OGDHL: variants seen among roughly 807,000 people sequenced by gnomAD.
OGDHL encodes oxoglutarate dehydrogenase L, also known as 2-oxoglutarate dehydrogenase-like, mitochondrial.
A neutral mutation model predicts 109.6 loss-of-function variants in OGDHL; 79 were observed. That is an observed-to-expected ratio of 0.72 (90% CI 0.60 to 0.87). The LOEUF is 0.87. Among genes scored for constraint, OGDHL ranks in the 40% least tolerant of loss-of-function variants. The pLI is 0.00. For missense variants in OGDHL, 1,275 were observed against 1,362.2 expected, an observed-to-expected ratio of 0.94 and a Z score of 1.01; for synonymous variants, 528 against 537.2, an observed-to-expected ratio of 0.98 and a Z score of 0.24.
intron 17 of OGDHL, chr10:49,739,051 A>T (rs1175956564): frequency 6.6e-6 from 1 of 152,586 alleles, no homozygotes; most frequent in Non-Finnish European, 1.5e-5. Flanking sequence ...CATGCCACTC[A>T]GGGATAATGG....
In OGDHL at chr10:49,749,830, G is replaced by A. The variant is rs1344710300; in HGVS notation, c.897-14C>T. 1 of 1,578,284 alleles carries A rather than the reference G, an allele frequency of 6.3e-7. No individual in the cohort carries two copies. Reference sequence around the variant, plus strand: ...TTCAGCCTTCCCCTGGAGCCAGAGGGGCCGGGCTCTCACCTGGCAAAGCCC... The same window carrying A: ...TTCAGCCTTCCCCTGGAGCCAGAGGAGCCGGGCTCTCACCTGGCAAAGCCC... On this transcript the variant is annotated splice_polypyrimidine_tract_variant and intron_variant, in intron 7 of 22. Transcript: ENST00000374103.
chr10:49,744,960 T>C (rs1312220123), intron 12 of OGDHL, among the ~76,000 whole-genome samples: 1 of 152,186 alleles, frequency 6.6e-6, no homozygotes, highest in Non-Finnish European at 1.5e-5. Context: ...AGGCCTGCAG[T>C]GCGCTCAGCA....
intron 1 of OGDHL, among the ~76,000 whole-genome samples, chr10:49,760,513 G>C (rs906699144): frequency 3.3e-5 from 5 of 152,214 alleles, no homozygotes; most frequent in African/African-American, 1.2e-4. Flanking sequence ...GAATCTTCTA[G>C]AGCATCAAAA....
chr10:49,755,560 T>G (rs183743444), intron 3 of OGDHL, among the ~76,000 whole-genome samples: 18 of 150,246 alleles, frequency 1.2e-4, no homozygotes, highest in East Asian at 1.9e-4. Flanking sequence ...TAATACAGTG[T>G]TTTTTTTTCA....
intron 3 of OGDHL, 44 bp from the exon 4 acceptor site, chr10:49,752,784 G>C: frequency 7.2e-7 from 1 of 1,390,362 alleles, no homozygotes; most frequent in Non-Finnish European, 1.0e-6. Context: ...GACCCAGCTG[G>C]ACAGACCTCC....
rs1841490595 is a variant in OGDHL, at chr10:49,739,648, C to T, written c.2319+13G>A. The T allele has an allele frequency of 3.7e-6, 6 of 1,610,668 alleles. No individual in the cohort carries two copies. Among genetic ancestry groups the T allele is most frequent in the Non-Finnish European group, 8.5e-7 (1 of 1,177,976 alleles). ...GAACCCACCAAGCCACCAGCCACCA[C>T]CGCAGCCCTCACCATGCCTTCCATG... On this transcript the variant is annotated intron_variant, in intron 17 of 22. Coordinates refer to ENST00000374103, the MANE Select transcript of OGDHL (RefSeq NM_018245.3).
intron 8 of OGDHL, 131 bp from the exon 9 acceptor site, chr10:49,747,339 G>C: frequency 4.3e-6 from 4 of 929,346 alleles, no homozygotes; most frequent in Non-Finnish European, 4.9e-6. Flanking sequence ...GGGCCAAGCT[G>C]TCTCTGACCC....
rs780156825 is a variant in OGDHL, at chr10:49,737,955, G to A, written c.2509C>T (p.Arg837Cys). 106 of 1,614,030 alleles carry A rather than the reference G, an allele frequency of 6.6e-5. No individual in the cohort carries two copies. The highest frequency in any genetic ancestry group is 8.1e-5 in the Non-Finnish European group (96 of 1,180,044). ...VLRRQILLPFRKPLIIFTPKS... is the reference protein window; with the variant it reads ...VLRRQILLPFCKPLIIFTPKS... The stretch of plus-strand genomic sequence containing the variant: ...CTGGGACGGAGACTCACCGGCTTGC[G>A]GAAGGGCAGCAGGATCTGCCGGCGC... Residue 837 changes from arginine to cysteine, a missense_variant, in exon 19 of 23, where the codon CGC (arginine) becomes TGC (cysteine). Transcript: ENST00000374103.
intron 18 of OGDHL, 51 bp from the exon 19 acceptor site, chr10:49,738,123 C>CCG: frequency 6.2e-7 from 1 of 1,614,022 alleles, no homozygotes; most frequent in Non-Finnish European, 8.5e-7. Context: ...TGCACCCACA[C>CCG]CCTGGACCCC....
rs1841478249 is a variant in OGDHL at position 49,739,519 on chromosome 10, G to C, written c.2319+142C>G. The C allele has an allele frequency of 4.1e-6, 4 of 972,508 alleles. No homozygotes were observed. In the South Asian group the frequency reaches 7.8e-5, roughly 19 times the overall value. The allele number at this position is 972,508 out of a possible 1,614,324, so 60.2% of individuals were successfully genotyped here. ...AGCAGCTGCAGCATGCACATGTGCA[G>C]ACCCCACCCTGCACAGACCCACGTG... On this transcript the variant is annotated intron_variant, in intron 17 of 22. Transcript: ENST00000374103.
intron 7 of OGDHL, 30 bp from the exon 8 acceptor site, chr10:49,749,846 G>A: frequency 2.6e-6 from 4 of 1,557,144 alleles, no homozygotes; most frequent in Non-Finnish European, 3.5e-6. Context: ...GCTCTCACCT[G>A]GCAAAGCCCG....
chr10:49,760,591 T>C (rs1011174862), intron 1 of OGDHL, among the ~76,000 whole-genome samples: 12 of 152,180 alleles, frequency 7.9e-5, no homozygotes, highest in Non-Finnish European at 1.5e-4. Context: ...ATCAAGACCA[T>C]CGTCATGGGA....
chr10:49,741,865 TACACACACCACACATACC>T (rs1289495724), intron 15 of OGDHL, among the ~76,000 whole-genome samples: 13 of 122,878 alleles, frequency 1.1e-4, no homozygotes, highest in African/African-American at 2.9e-4. Flanking sequence ...CCACACACAC[TACACACACCACACATACC>T]ACACACACCA....
At chr10:49,736,234 C>T (rs895227375) in intron 21 of OGDHL, 57 bp from the exon 22 acceptor site, 3 of 1,568,812 alleles carry the variant, frequency 1.9e-6, no homozygotes, top group East Asian at 2.2e-5. Flanking sequence ...GTCCCCAGCA[C>T]CCCCGGACAG....
rs999018863 is a variant in OGDHL, at chr10:49,739,897, A to C, written c.2141-58T>G. The C allele has an allele frequency of 3.9e-6, 6 of 1,547,156 alleles. No individual in the cohort carries two copies. In the Admixed American group the frequency reaches 1.1e-4, roughly 29 times the overall value. On this transcript the variant is annotated intron_variant, in intron 16 of 22. Transcript: ENST00000374103. ...ACAGTCACCAAGTGGCAGTGGCTCC[A>C]GTCAAATTTAGCCTTTCTCAGTATA...
rs761837125 is a variant in OGDHL, at chr10:49,749,756, C to T, written c.957G>A (p.Gln319=). The part of the protein sequence containing the change: ...IRKDLEQIFC[Q]FDPKLEAADE... The stretch of plus-strand genomic sequence containing the variant: ...CCGCCGCCTCCAGCTTGGGGTCAAA[C>T]TGGCAGAAGATCTGCTCCAGGTCCT... Residue 319 remains glutamine (Q), a synonymous_variant, in exon 8 of 23, where the codon CAG becomes CAA. Coordinates refer to ENST00000374103, the MANE Select transcript of OGDHL (RefSeq NM_018245.3). The T allele has an allele frequency of 1.2e-6, 2 of 1,600,222 alleles. No homozygotes were observed. The highest frequency in any genetic ancestry group is 1.7e-6 in the Non-Finnish European group (2 of 1,176,862).
intron 15 of OGDHL, among the ~76,000 whole-genome samples, chr10:49,742,264 CACACTCA>C (rs1841771710): frequency 7.1e-6 from 1 of 140,752 alleles, no homozygotes; most frequent in Non-Finnish European, 1.6e-5. Context: ...ATACCCCATA[CACACTCA>C]ACACACAACA....
intron 8 of OGDHL, 42 bp from the exon 9 acceptor site, chr10:49,747,250 C>T (rs750686486): frequency 6.3e-7 from 1 of 1,597,568 alleles, no homozygotes; most frequent in Non-Finnish European, 8.6e-7. Context: ...TCCCCTCCCA[C>T]ATCAGACAGG....
At chr10:49,743,866 G>A (rs1160372266) in intron 14 of OGDHL, 128 bp downstream of exon 14, 16 of 1,186,944 alleles carry the variant, frequency 1.3e-5, no homozygotes, top group East Asian at 7.7e-5. Flanking sequence ...CGAGAGCTAC[G>A]TGGACCCACT....
Sources: gnomAD v4.1 joint callset for allele counts (sites outside exome capture counted in the v4.1 genomes callset) on GRCh38, gnomAD v4.1.1 for gene constraint, MANE v1.5 for transcripts, NCBI Gene and HGNC (gene_info 2026-07-23, HGNC 2026-07-21) for gene names.